Variants in SPNS2 observed in about 807,000 individuals in gnomAD.
SPNS2 encodes sphingosine-1-phosphate transporter SPNS2.
A neutral mutation model predicts 57.6 loss-of-function variants in SPNS2; 37 were observed. The ratio of observed to expected loss-of-function variants is 0.64; its 90% confidence interval spans 0.49 to 0.85. The LOEUF is 0.85. Among genes scored for constraint, SPNS2 ranks in the 40% least tolerant of loss-of-function variants. SPNS2 has a pLI of 0.00. For missense variants in SPNS2, 831 were observed against 779.1 expected (o/e 1.07, Z -0.79); for synonymous variants, 440 against 346.9 (o/e 1.27, Z -2.98).
chr17:4,536,618 G>C lies in SPNS2; in HGVS notation c.1607+192G>C, dbSNP rs1276204779. 5 of 742,412 alleles carry C rather than the reference G, an allele frequency of 6.7e-6. No homozygotes were observed. The East Asian group carries it at 8.1e-5, about 12-fold the overall frequency. 46.0% of individuals were successfully genotyped at this position (742,412 alleles called of 1,614,324 possible). On this transcript the variant is annotated intron_variant, in intron 11 of 12. Coordinates refer to ENST00000329078, the MANE Select transcript of SPNS2 (RefSeq NM_001124758.3). ...GCCTGGAGCTGTGGGAGGCCACGGGGGTGTCTGGTGGATCCAGACTTGGGT... is the reference window on the plus strand; with the variant it reads ...GCCTGGAGCTGTGGGAGGCCACGGGCGTGTCTGGTGGATCCAGACTTGGGT...
chr17:4,525,578 C>T (rs144325429), intron 3 of SPNS2, among the ~76,000 whole-genome samples: 138 of 152,346 alleles, frequency 9.1e-4, no homozygotes, highest in Middle Eastern at 3.4e-3. Context: ...GGTTCTTGCT[C>T]AGTTTGTGCT....
In SPNS2 at chr17:4,499,550, C is replaced by T. The variant is rs2144293845; in HGVS notation, c.370+133C>T. 1.9e-6 allele frequency: 1 copy of T among 525,700 alleles called. No homozygotes were observed. Among genetic ancestry groups the T allele is most frequent in the East Asian group, 3.5e-5 (1 of 28,352 alleles). 32.6% of individuals were successfully genotyped at this position (525,700 alleles called of 1,614,324 possible). A position where few individuals can be genotyped will look rare whatever the true frequency, so the allele number is the denominator to read the frequency against. On this transcript the variant is annotated intron_variant, in intron 1 of 12. Coordinates refer to ENST00000329078, the MANE Select transcript of SPNS2 (RefSeq NM_001124758.3). The surrounding 1 kb of genome is among the most constrained non-coding windows in gnomAD (Gnocchi z 5.2). ...AGGCCCTACGTGAGGTCCCTACGGA[C>T]CCTCTGCTCAGGCACAACTGGGCAA...
At position 4,511,533 on chromosome 17, in the gene SPNS2, A is replaced by G. The variant is rs970333497; in HGVS notation, c.371-1714A>G. ...GGGGGAACAGAGTCCTGACCCAGAAAGGAATGGGTTGTGGGGCTGTGAGCC... is the reference window on the plus strand; with the variant it reads ...GGGGGAACAGAGTCCTGACCCAGAAGGGAATGGGTTGTGGGGCTGTGAGCC... On this transcript the variant is annotated intron_variant, in intron 1 of 12. Transcript: ENST00000329078. The surrounding 1 kb of genome is among the most constrained non-coding windows in gnomAD (Gnocchi z 4.6). Among the ~76,000 whole-genome samples the G allele has an allele frequency of 1.1e-4, 17 of 152,192 alleles. No homozygotes were observed. Among genetic ancestry groups the G allele is most frequent in the African/African-American group, 3.4e-4 (14 of 41,444 alleles).
In SPNS2 at chr17:4,538,555, G is replaced by C. The variant is rs369308303; in HGVS notation, c.*1107G>C. 1.7e-5 allele frequency: 6 copies of C among 346,460 alleles called. No individual in the cohort carries two copies. The highest frequency in any genetic ancestry group is 2.7e-5 in the Non-Finnish European group (5 of 185,718). The allele number at this position is 346,460 out of a possible 1,614,324, so 21.5% of individuals were successfully genotyped here. A position where few individuals can be genotyped will look rare whatever the true frequency, so the allele number is the denominator to read the frequency against. On this transcript the variant is annotated 3_prime_UTR_variant, in exon 13 of 13. Coordinates refer to ENST00000329078, the MANE Select transcript of SPNS2 (RefSeq NM_001124758.3). ...GCCAACTTCACACCAGCCCCAACCC[G>C]CTTTGGGGGAGCTTAGCCCCCTGCG...
chr17:4,529,758 A>G (rs1188031628), intron 3 of SPNS2, among the ~76,000 whole-genome samples: 2 of 152,210 alleles, frequency 1.3e-5, no homozygotes, highest in Non-Finnish European at 2.9e-5. Context: ...GGTGATTCCC[A>G]GGAAGAGAAA....
rs1904419184 is a variant in SPNS2 at position 4,499,893 on chromosome 17, G to A, written c.370+476G>A. Among the ~76,000 whole-genome samples the A allele has an allele frequency of 6.6e-6, 1 of 152,210 alleles. No individual in the cohort carries two copies. The highest frequency in any genetic ancestry group is 2.1e-4 in the South Asian group (1 of 4,830). ...ACCCCCCTGCGTGCGTGCGGCGAGT[G>A]CGCGCGCCCCTTGCGGGTGTGCGCT... On this transcript the variant is annotated intron_variant, in intron 1 of 12. Transcript: ENST00000329078. The surrounding 1 kb of genome is among the most constrained non-coding windows in gnomAD (Gnocchi z 5.2).
At position 4,499,068 on chromosome 17, in the gene SPNS2, C is replaced by A. The variant is rs1263784189; in HGVS notation, c.21C>A (p.Ala7=). The change falls in exon 1 of 13, where the codon GCC becomes GCA. Residue 7 remains alanine, a synonymous_variant. Coordinates refer to ENST00000329078, the MANE Select transcript of SPNS2 (RefSeq NM_001124758.3). This position sits in a 1 kb window ranked among gnomAD's most constrained non-coding sequence, Gnocchi z 5.2. MMCLEC[A]SAAAGGAEEE... ...CCGGCATGATGTGCCTGGAATGCGC[C>A]TCGGCGGCGGCGGGCGGCGCGGAGG... 2.5e-5 allele frequency: 26 copies of A among 1,021,788 alleles called. No homozygotes were observed. Among genetic ancestry groups the A allele is most frequent in the Non-Finnish European group, 2.8e-5 (24 of 856,016 alleles). The allele number at this position is 1,021,788 out of a possible 1,614,324, so 63.3% of individuals were successfully genotyped here. A position where few individuals can be genotyped will look rare whatever the true frequency, so the allele number is the denominator to read the frequency against.
chr17:4,537,985 C>T lies in SPNS2; in HGVS notation c.*537C>T. The T allele has an allele frequency of 2.8e-6, 1 of 355,816 alleles. No homozygotes were observed. Among genetic ancestry groups the T allele is most frequent in the Non-Finnish European group, 5.6e-6 (1 of 177,572 alleles). 22.0% of individuals were successfully genotyped at this position (355,816 alleles called of 1,614,324 possible). A position where few individuals can be genotyped will look rare whatever the true frequency, so the allele number is the denominator to read the frequency against. On this transcript the variant is annotated 3_prime_UTR_variant, in exon 13 of 13. Transcript: ENST00000329078. ...ATGCAGGGACCACTGCTCAGCTGGG[C>T]CTCGGACCTTGGGGATATTGGACGC...
chr17:4,525,088 C>T lies in SPNS2; in HGVS notation c.468C>T (p.Pro156=), dbSNP rs1905230643. 1 of 1,614,216 alleles carries T rather than the reference C, an allele frequency of 6.2e-7. No homozygotes were observed. Among genetic ancestry groups the T allele is most frequent in the East Asian group, 2.2e-5 (1 of 44,884 alleles). ...VFICSFMVAA[P]IFGYLGDRFN... ...TCTGTAGCTTCATGGTGGCTGCCCC[C>T]ATCTTCGGCTACCTGGGCGACCGCT... Residue 156 remains proline, a synonymous_variant, in exon 3 of 13, where the codon CCC becomes CCT. Coordinates refer to ENST00000329078, the MANE Select transcript of SPNS2 (RefSeq NM_001124758.3).
At position 4,511,291 on chromosome 17, in the gene SPNS2, G is replaced by A. The variant is rs1193575050; in HGVS notation, c.371-1956G>A. ...TCCAGAACAGGAGGCATCTGAACTGGCCTTGAAGAAGTGGCAGGAGTGAGC... is the reference window on the plus strand; with the variant it reads ...TCCAGAACAGGAGGCATCTGAACTGACCTTGAAGAAGTGGCAGGAGTGAGC... On this transcript the variant is annotated intron_variant, in intron 1 of 12. Transcript: ENST00000329078. The surrounding 1 kb of genome is among the most constrained non-coding windows in gnomAD (Gnocchi z 4.6). Among the ~76,000 whole-genome samples, 1 of 152,230 alleles carries A rather than the reference G, an allele frequency of 6.6e-6. No individual in the cohort carries two copies. The highest frequency in any genetic ancestry group is 6.5e-5 in the Admixed American group (1 of 15,290).
chr17:4,532,984 T>C lies in SPNS2; in HGVS notation c.943T>C (p.Tyr315His). ...TGCCTGGCCTCTCCCCAGCCGCAGC[T>C]ACGTCTTCTCCTCCCTGGCCACGTC... ...DMKALIRNRS[Y>H]VFSSLATSAV... The change falls in exon 7 of 13, where the codon TAC becomes CAC. Residue 315 changes from tyrosine to histidine, a missense_variant. Physicochemically the swap from Tyr to His is moderately conservative, Grantham distance 83. Transcript: ENST00000329078. 6.2e-7 allele frequency: 1 copy of C among 1,611,844 alleles called. No individual in the cohort carries two copies. The highest frequency in any genetic ancestry group is 8.5e-7 in the Non-Finnish European group (1 of 1,179,118).
chr17:4,536,870 C>G (rs781269648), intron 11 of SPNS2, 30 bp from the exon 12 acceptor site: 1 of 1,610,128 alleles, frequency 6.2e-7, no homozygotes, highest in Non-Finnish European at 8.5e-7. Context: ...GCTGATGCAC[C>G]ACCCTGACCC....
intron 11 of SPNS2, chr17:4,536,635 G>A (rs377032233): frequency 5.7e-6 from 4 of 704,016 alleles, no homozygotes; most frequent in African/African-American, 3.6e-5. Flanking sequence ...GGTGGATCCA[G>A]ACTTGGGTTT....
chr17:4,519,415 G>A (rs544190952), intron 2 of SPNS2, among the ~76,000 whole-genome samples: 7 of 152,304 alleles, frequency 4.6e-5, no homozygotes, highest in South Asian at 4.1e-4. Flanking sequence ...CTGGGCTGCC[G>A]TGAGAGGTGG....
intron 2 of SPNS2, among the ~76,000 whole-genome samples, chr17:4,515,951 G>A (rs1948541222): frequency 1.3e-5 from 2 of 152,198 alleles, no homozygotes; most frequent in Admixed American, 1.3e-4. Flanking sequence ...ATGGCTGCTG[G>A]TTTGGACCTG....
At chr17:4,504,126 G>C (rs1180658066) in intron 1 of SPNS2, among the ~76,000 whole-genome samples, 2 of 152,126 alleles carry the variant, frequency 1.3e-5, no homozygotes, top group African/African-American at 2.4e-5. Flanking sequence ...TCTCTCTTTA[G>C]ATAAGGATGG....
chr17:4,537,212 A>G (rs577918775), intron 12 of SPNS2, among the ~76,000 whole-genome samples: 1 of 152,338 alleles, frequency 6.6e-6, no homozygotes, highest in Non-Finnish European at 1.5e-5. Flanking sequence ...AGGACTGGCC[A>G]GGAACTCCTC....
At chr17:4,531,827 C>T (rs958658932) in intron 5 of SPNS2, among the ~76,000 whole-genome samples, 9 of 152,104 alleles carry the variant, frequency 5.9e-5, no homozygotes, top group African/African-American at 2.2e-4. Context: ...TACCCTCCCA[C>T]CCGGAGAGAA....
In SPNS2 at chr17:4,511,424, G is replaced by A. The variant is rs1473359061; in HGVS notation, c.371-1823G>A. Among the ~76,000 whole-genome samples the A allele has an allele frequency of 2.0e-5, 3 of 152,224 alleles. No homozygotes were observed. The highest frequency in any genetic ancestry group is 4.4e-5 in the Non-Finnish European group (3 of 68,036). The stretch of plus-strand genomic sequence containing the variant: ...GGGTGGTGTCCTGAGAAGTGAGGCC[G>A]GAGGGCGGGGCTGGCAGGGCCACAC... On this transcript the variant is annotated intron_variant, in intron 1 of 12. Coordinates refer to ENST00000329078, the MANE Select transcript of SPNS2 (RefSeq NM_001124758.3). The surrounding 1 kb of genome is among the most constrained non-coding windows in gnomAD (Gnocchi z 4.6).
Sources: allele counts gnomAD v4.1 joint callset (sites outside exome capture counted in the v4.1 genomes callset), GRCh38; gene constraint gnomAD v4.1.1; non-coding constraint Gnocchi (gnomAD v3.1); transcripts MANE v1.5; gene names NCBI Gene and HGNC (gene_info 2026-07-23, HGNC 2026-07-21).